GLIS3: variants seen among roughly 807,000 people sequenced by gnomAD.
GLIS3 encodes the protein zinc finger protein GLIS3.
In GLIS3, 53 loss-of-function variants were observed where a neutral mutation model predicts 78.6. The ratio of observed to expected loss-of-function variants is 0.67; its 90% confidence interval spans 0.54 to 0.85. The LOEUF (loss-of-function observed/expected upper bound fraction) is 0.85, where lower values mean the gene tolerates loss of function less well. Ranked by LOEUF, GLIS3 falls within the 40% of genes least tolerant of loss-of-function variation. The probability of loss-of-function intolerance (pLI) is 0.00; values close to 1 mark genes in which losing one functional copy is unlikely to be tolerated. For missense variants in GLIS3, 1,703 were observed against 1,231.1 expected, an observed-to-expected ratio of 1.38 and a Z score of -5.74; for synonymous variants, 684 against 509.9, an observed-to-expected ratio of 1.34 and a Z score of -4.60.
intron 4 of GLIS3, among the ~76,000 whole-genome samples, chr9:4,002,561 T>C (rs989501964): frequency 2.6e-5 from 4 of 152,208 alleles, no homozygotes; most frequent in African/African-American, 9.7e-5. Flanking sequence ...CTTTATACTC[T>C]GATTTGTATT....
chr9:4,362,818 C>G, the GLIS3 span, among the ~76,000 whole-genome samples: 2 of 152,088 alleles, frequency 1.3e-5, no homozygotes, highest in South Asian at 4.1e-4. Flanking sequence ...CCAGAGAACC[C>G]TGCTATCATG....
chr9:4,205,007 G>A (rs924939257), intron 2 of GLIS3, among the ~76,000 whole-genome samples: 8 of 147,788 alleles, frequency 5.4e-5, no homozygotes, highest in African/African-American at 1.8e-4. Context: ...ATGAAACCCC[G>A]TCTCTATTAA....
chr9:4,110,176 A>G (rs1280904042), intron 4 of GLIS3, among the ~76,000 whole-genome samples: 1 of 152,238 alleles, frequency 6.6e-6, no homozygotes, highest in Non-Finnish European at 1.5e-5. Context: ...TACACATACT[A>G]TTTGGGTAAG....
chr9:4,437,806 T>C, the GLIS3 span, among the ~76,000 whole-genome samples: 1 of 152,218 alleles, frequency 6.6e-6, no homozygotes, highest in African/African-American at 2.4e-5. Context: ...ACCTTTAAGA[T>C]GATCCACTTC....
chr9:4,338,385 CACAT>C (rs1247697406), intron 2 of GLIS3, among the ~76,000 whole-genome samples: 125 of 110,380 alleles, frequency 1.1e-3, no homozygotes, highest in African/African-American at 3.1e-3. Flanking sequence ...CACACACACA[CACAT>C]ACACACACAC....
chr9:4,183,767 C>G (rs1817534329), intron 2 of GLIS3, among the ~76,000 whole-genome samples: 1 of 152,204 alleles, frequency 6.6e-6, no homozygotes. Flanking sequence ...AGAGTTCTTT[C>G]TATTTCTTAC....
At chr9:3,989,467 AG>A (rs1236718948) in intron 4 of GLIS3, among the ~76,000 whole-genome samples, 3 of 152,246 alleles carry the variant, frequency 2.0e-5, no homozygotes, top group Non-Finnish European at 4.4e-5. Flanking sequence ...TACTTGTAAT[AG>A]CTTAAACTAC....
Position 3,891,865 on chromosome 9 carries a change from C to T in GLIS3, c.2128+6826G>A, listed in dbSNP as rs541897961. Among the ~76,000 whole-genome samples, 300 of 152,292 alleles carry T rather than the reference C, an allele frequency of 2.0e-3. 1 individual carries two copies. The Middle Eastern group carries it at 0.024, about 12-fold the overall frequency. On this transcript the variant is annotated intron_variant, in intron 7 of 10. Transcript: ENST00000381971. The stretch of plus-strand genomic sequence containing the variant: ...CATCTTTCATGAAGTACATCCACTT[C>T]TCAGAAATGCTTCATAGGCATCCCT...
At chr9:4,157,065 G>A (rs1247589236) in intron 2 of GLIS3, among the ~76,000 whole-genome samples, 1 of 152,140 alleles carries the variant, frequency 6.6e-6, no homozygotes, top group Admixed American at 6.6e-5. Context: ...TAACATATAT[G>A]ATTACTACAG....
At chr9:4,348,000 G>A (rs114445439) in intron 1 of GLIS3, among the ~76,000 whole-genome samples, 244 of 152,148 alleles carry the variant, frequency 1.6e-3, no homozygotes, top group African/African-American at 5.4e-3. Context: ...AATTAGACAG[G>A]ATATGCCAAA....
At chr9:4,058,855 G>T (rs1488513769) in intron 4 of GLIS3, among the ~76,000 whole-genome samples, 1 of 152,032 alleles carries the variant, frequency 6.6e-6, no homozygotes, top group Non-Finnish European at 1.5e-5. Flanking sequence ...GGTGGCAGGT[G>T]CCTGTAATCC....
At chr9:4,155,002 G>A (rs1056322666) in intron 2 of GLIS3, among the ~76,000 whole-genome samples, 1 of 152,090 alleles carries the variant, frequency 6.6e-6, no homozygotes, top group South Asian at 2.1e-4. Context: ...ACACAATGTG[G>A]AAAAAGAGAC....
chr9:4,109,576 G>A (rs974400288), intron 4 of GLIS3, among the ~76,000 whole-genome samples: 1 of 152,220 alleles, frequency 6.6e-6, no homozygotes, highest in Non-Finnish European at 1.5e-5. Context: ...AAGACCTGGG[G>A]AAGTCAAAGT....
chr9:3,946,097 C>A (rs374254151), intron 4 of GLIS3, among the ~76,000 whole-genome samples: 2 of 152,232 alleles, frequency 1.3e-5, no homozygotes, highest in East Asian at 1.9e-4. Flanking sequence ...CTCTTGGAAG[C>A]CTTCCTTTAG....
chr9:4,276,739 G>C (rs1231153414), intron 2 of GLIS3, among the ~76,000 whole-genome samples: 3 of 152,168 alleles, frequency 2.0e-5, no homozygotes, highest in Non-Finnish European at 4.4e-5. Flanking sequence ...CTCCGATTGA[G>C]TAATACTTGG....
rs1279287398 is a variant in GLIS3 at position 3,898,505 on chromosome 9, GAAA to G, written c.2128+183_2128+185del. 1.1e-5 allele frequency: 8 copies of G among 696,284 alleles called. No homozygotes were observed. In the South Asian group the frequency reaches 1.3e-4, roughly 11 times the overall value. The allele number at this position is 696,284 out of a possible 1,614,324, so 43.1% of individuals were successfully genotyped here. A position where few individuals can be genotyped will look rare whatever the true frequency, so the allele number is the denominator to read the frequency against. ...ATTATTTTATTTTATTTCTTTATGA[GAAA>G]AAACAATCTGCTGCCACACCCAGCT... On this transcript the variant is annotated intron_variant, in intron 7 of 10. Transcript: ENST00000381971.
At chr9:4,293,682 C>T (rs1185692149) in intron 1 of GLIS3, among the ~76,000 whole-genome samples, 2 of 152,200 alleles carry the variant, frequency 1.3e-5, no homozygotes, top group Non-Finnish European at 2.9e-5. Context: ...AGCAGGCCTA[C>T]AAAAGAAATT....
the GLIS3 span, among the ~76,000 whole-genome samples, chr9:4,410,261 G>GCCA: frequency 6.6e-6 from 1 of 151,874 alleles, no homozygotes; most frequent in East Asian, 1.9e-4. Context: ...ACAGGCATGA[G>GCCA]CCACCACACC....
At chr9:3,992,818 T>C (rs1280862451) in intron 4 of GLIS3, among the ~76,000 whole-genome samples, 13 of 152,240 alleles carry the variant, frequency 8.5e-5, no homozygotes, top group Admixed American at 4.6e-4. Flanking sequence ...TAATAATCTC[T>C]ACCATGACCA....
Sources: gnomAD v4.1 joint callset for allele counts (sites outside exome capture counted in the v4.1 genomes callset) on GRCh38, gnomAD v4.1.1 for gene constraint, MANE v1.5 for transcripts, NCBI Gene and HGNC (gene_info 2026-07-23, HGNC 2026-07-21) for gene names.